Variants in NUP85 observed in about 807,000 individuals in gnomAD.
NUP85 encodes the protein nuclear pore complex protein Nup85.
NUP85 carries 23 observed loss-of-function variants against 92.8 expected under a neutral mutation model. That is an observed-to-expected ratio of 0.25 (90% CI 0.18 to 0.35). NUP85 has a LOEUF of 0.35. Among genes scored for constraint, NUP85 ranks in the 10% least tolerant of loss-of-function variants. The pLI, the probability that NUP85 is intolerant of heterozygous loss-of-function variation, is 1.00. For synonymous variants in NUP85, 314 were observed against 306.9 expected, an observed-to-expected ratio of 1.02 and a Z score of -0.24; for missense variants, 759 against 822.8, an observed-to-expected ratio of 0.92 and a Z score of 0.95.
rs1239184756 is a variant in NUP85, at chr17:75,233,173, T to C, written c.1615+15T>C. The C allele has an allele frequency of 6.2e-7, 1 of 1,611,986 alleles. No individual in the cohort carries two copies. Among genetic ancestry groups the C allele is most frequent in the East Asian group, 2.2e-5 (1 of 44,886 alleles). On this transcript the variant is annotated intron_variant, in intron 16 of 18. Transcript: ENST00000245544. ...GACATTCCTGGGTGAGTCTCTGGGT[T>C]TTGTGCCCTGTGCTTTGGGCACAAG...
At position 75,230,903 on chromosome 17, in the gene NUP85, G is replaced by A. The variant is rs554221894; in HGVS notation, c.1095-437G>A. On this transcript the variant is annotated intron_variant, in intron 11 of 18. Transcript: ENST00000245544. ...CCAGTGCACTCCCGTCTGGGTGACA[G>A]AGCAAGACTCCACCTCAACTACTTT... is the stretch of plus-strand genomic sequence containing the variant. Among the ~76,000 whole-genome samples the A allele has an allele frequency of 1.6e-3, 237 of 150,454 alleles. 1 individual carries two copies. Among genetic ancestry groups the A allele is most frequent in the African/African-American group, 5.5e-3 (226 of 41,088 alleles).
intron 7 of NUP85, among the ~76,000 whole-genome samples, chr17:75,222,321 A>G (rs554577688): frequency 1.1e-4 from 16 of 152,248 alleles, no homozygotes; most frequent in African/African-American, 3.6e-4. Flanking sequence ...TTGGGATTAC[A>G]GGCGTGAGGC....
At chr17:75,224,022 G>A (rs1027679547) in intron 7 of NUP85, among the ~76,000 whole-genome samples, 4 of 151,938 alleles carry the variant, frequency 2.6e-5, no homozygotes, top group African/African-American at 9.7e-5. Context: ...GTAGCTAACT[G>A]TATTAGCAAT....
rs767016720 is a variant in NUP85, at chr17:75,209,994, G to A, written c.290+9G>A. ...AAATCCAGAAAATCTCAGTAAGTTG[G>A]TTGCTGTTTGGTGTTGAAGCCCACA... On this transcript the variant is annotated intron_variant, in intron 3 of 18. Transcript: ENST00000245544. The A allele has an allele frequency of 1.9e-6, 3 of 1,590,656 alleles. No homozygotes were observed. The African/African-American group carries it at 4.1e-5, about 22-fold the overall frequency.
rs1352689356 is a variant in NUP85, at chr17:75,231,728, C to T, written c.1244+90C>T. The T allele has an allele frequency of 6.2e-7, 1 of 1,604,274 alleles. No individual in the cohort carries two copies. Among genetic ancestry groups the T allele is most frequent in the Non-Finnish European group, 8.5e-7 (1 of 1,172,290 alleles). ...TTGGACTGTTCTCTCCCAGTTGGCT[C>T]CTTGAAGGCTTCGGAAGGGTCAGTG... On this transcript the variant is annotated intron_variant, in intron 13 of 18. Coordinates refer to ENST00000245544, the MANE Select transcript of NUP85 (RefSeq NM_024844.5). The surrounding 1 kb of genome is among the most constrained non-coding windows in gnomAD (Gnocchi z 4.6).
chr17:75,216,299 C>G (rs2075429597), intron 6 of NUP85: 1 of 154,926 alleles, frequency 6.5e-6, no homozygotes, highest in African/African-American at 2.4e-5. Context: ...GAGTTTCACT[C>G]TTGTTGCCCA....
intron 7 of NUP85, among the ~76,000 whole-genome samples, chr17:75,219,853 G>A (rs2075545096): frequency 1.3e-5 from 2 of 152,078 alleles, no homozygotes; most frequent in African/African-American, 4.8e-5. Context: ...GAGCTAGGCT[G>A]AAGAAAGCAT....
intron 5 of NUP85, among the ~76,000 whole-genome samples, chr17:75,214,082 G>T (rs1408920266): frequency 6.6e-6 from 1 of 151,898 alleles, no homozygotes; most frequent in Non-Finnish European, 1.5e-5. Context: ...CTGACCTCGT[G>T]ATCTGCCTGC....
In NUP85 at chr17:75,235,630, G is replaced by T; in HGVS notation, c.1922G>T (p.Arg641Leu). 5 of 1,614,138 alleles carry T rather than the reference G, an allele frequency of 3.1e-6. No homozygotes were observed. The highest frequency in any genetic ancestry group is 4.2e-6 in the Non-Finnish European group (5 of 1,179,966). Residue 641 changes from arginine (R) to leucine (L), a missense_variant, in exon 19 of 19, where the codon CGA becomes CTA. By Grantham distance (102) the Arg-to-Leu change is moderately radical. Transcript: ENST00000245544. ...KVEMLRLSLA[R>L]NLARAIIREG... The stretch of plus-strand genomic sequence containing the variant: ...GAAATGCTGAGACTTTCTCTGGCAC[G>T]AAATCTTGCTCGGGCAATTATAAGA...
intron 1 of NUP85, among the ~76,000 whole-genome samples, chr17:75,207,321 T>C (rs1384761411): frequency 6.6e-6 from 1 of 151,988 alleles, no homozygotes; most frequent in Non-Finnish European, 1.5e-5. Flanking sequence ...GTAGCTGGGA[T>C]TGCAGGCATG....
At position 75,208,473 on chromosome 17, in the gene NUP85, A is replaced by G. The variant is rs1311938655; in HGVS notation, c.34-54A>G. On this transcript the variant is annotated intron_variant, in intron 1 of 18. Transcript: ENST00000245544. ...AAAAAAAAAAAAAAAGAATGGAACA[A>G]CTTCAGTAAGAAGAACATTTTTCAT... 8 of 933,366 alleles carry G rather than the reference A, an allele frequency of 8.6e-6. No homozygotes were observed. The East Asian group carries it at 1.7e-4, about 20-fold the overall frequency. 57.8% of individuals were successfully genotyped at this position (933,366 alleles called of 1,614,324 possible). A position where few individuals can be genotyped will look rare whatever the true frequency, so the allele number is the denominator to read the frequency against.
At chr17:75,220,826 T>G (rs1241325952) in intron 7 of NUP85, among the ~76,000 whole-genome samples, 1 of 151,336 alleles carries the variant, frequency 6.6e-6, no homozygotes, top group Non-Finnish European at 1.5e-5. Context: ...AGGCTGGTCT[T>G]GAACTCCTGA....
intron 4 of NUP85, 39 bp downstream of exon 4, chr17:75,212,101 T>TGG (rs759093239): frequency 1.4e-6 from 2 of 1,426,710 alleles, no homozygotes; most frequent in Admixed American, 3.9e-5. Flanking sequence ...TGTGTGTGTG[T>TGG]GTGTGTGTGG....
At chr17:75,228,516 T>G (rs1463111890) in intron 11 of NUP85, 1 of 985,304 alleles carries the variant, frequency 1.0e-6, no homozygotes, top group Non-Finnish European at 1.2e-6. Flanking sequence ...TCAGAGGCAG[T>G]AGCAGTTTTA....
intron 3 of NUP85, 67 bp from the exon 4 acceptor site, chr17:75,211,925 G>T: frequency 8.0e-7 from 1 of 1,252,496 alleles, no homozygotes; most frequent in Non-Finnish European, 1.1e-6. Context: ...TTATTTGAGT[G>T]TTTCCTTCCT....
In NUP85 at chr17:75,229,012, G is replaced by A. The variant is rs557064044; in HGVS notation, c.1095-2328G>A. ...CTGGCTTACAGCTTCCTCTGAAGACGGGCCAGTTCCTTGCTGTCTGGCAAG... is the reference window on the plus strand; with the variant it reads ...CTGGCTTACAGCTTCCTCTGAAGACAGGCCAGTTCCTTGCTGTCTGGCAAG... On this transcript the variant is annotated intron_variant, in intron 11 of 18. Coordinates refer to ENST00000245544, the MANE Select transcript of NUP85 (RefSeq NM_024844.5). 69 of 985,458 alleles carry A rather than the reference G, an allele frequency of 7.0e-5. No individual in the cohort carries two copies. In the African/African-American group the frequency reaches 9.8e-4, roughly 14 times the overall value. 61.0% of individuals were successfully genotyped at this position (985,458 alleles called of 1,614,324 possible). A position where few individuals can be genotyped will look rare whatever the true frequency, so the allele number is the denominator to read the frequency against.
chr17:75,233,440 T>TTC lies in NUP85; in HGVS notation c.1615+283_1615+284insCT, dbSNP rs1403168437. On this transcript the variant is annotated intron_variant, in intron 16 of 18. Transcript: ENST00000245544. Reference sequence around the variant, plus strand: ...TTCTTCTTTTCTTTTATTTTTTCTTTTTTTTTTTTTTTGAGACAGAATCTT... The same window carrying TTC: ...TTCTTCTTTTCTTTTATTTTTTCTTTTCTTTTTTTTTTTTGAGACAGAATCTT... Among the ~76,000 whole-genome samples, 213 of 140,688 alleles carry TTC rather than the reference T, an allele frequency of 1.5e-3. 4 individuals are homozygous for TTC. Among genetic ancestry groups the TTC allele is most frequent in the African/African-American group, 5.4e-3 (205 of 38,104 alleles). 92.3% of individuals were successfully genotyped at this position (140,688 alleles called of 152,430 possible).
Position 75,215,864 on chromosome 17 carries a change from C to T in NUP85, c.475+41C>T, listed in dbSNP as rs1310721337. The T allele has an allele frequency of 2.0e-6, 3 of 1,496,318 alleles. No individual in the cohort carries two copies. In the African/African-American group the frequency reaches 4.1e-5, roughly 21 times the overall value. The allele number at this position is 1,496,318 out of a possible 1,614,324, so 92.7% of individuals were successfully genotyped here. A position where few individuals can be genotyped will look rare whatever the true frequency, so the allele number is the denominator to read the frequency against. On this transcript the variant is annotated intron_variant, in intron 6 of 18. Transcript: ENST00000245544. ...CTCACCATAATCTCATAGGTGTCCC[C>T]TTCCATCTTCTGCTCTTTCCTCATC...
chr17:75,230,273 G>C (rs1274112300), intron 11 of NUP85, among the ~76,000 whole-genome samples: 1 of 151,954 alleles, frequency 6.6e-6, no homozygotes, highest in East Asian at 1.9e-4. Context: ...GAACTCCTGA[G>C]CTCAAGTGAT....
Sources: gnomAD v4.1 joint callset for allele counts (sites outside exome capture counted in the v4.1 genomes callset) on GRCh38, gnomAD v4.1.1 for gene constraint, Gnocchi (gnomAD v3.1) non-coding constraint, MANE v1.5 for transcripts, NCBI Gene and HGNC (gene_info 2026-07-23, HGNC 2026-07-21) for gene names.